CADPS: variants seen among roughly 807,000 people sequenced by gnomAD.
CADPS encodes the protein calcium dependent secretion activator.
CADPS carries 57 observed loss-of-function variants against 167.3 expected under a neutral mutation model. That is an observed-to-expected ratio of 0.34 (90% CI 0.28 to 0.42). CADPS has a LOEUF of 0.42. Among genes scored for constraint, CADPS ranks in the 20% least tolerant of loss-of-function variants. The pLI is 1.00. For synonymous variants in CADPS, 676 were observed against 635.3 expected (o/e 1.06, Z -0.96); for missense variants, 1,414 against 1,738.1 (o/e 0.81, Z 3.32).
intron 1 of CADPS, among the ~76,000 whole-genome samples, chr3:62,793,814 A>G (rs1351418187): frequency 2.0e-5 from 3 of 152,124 alleles, no homozygotes; most frequent in African/African-American, 7.2e-5. Flanking sequence ...TATTTGTTTG[A>G]TGATTTTGTT....
intron 1 of CADPS, among the ~76,000 whole-genome samples, chr3:62,809,661 A>T (rs2094299227): frequency 6.6e-6 from 1 of 152,144 alleles, no homozygotes; most frequent in South Asian, 2.1e-4. Flanking sequence ...CTTATTAATT[A>T]CTTGAACAGT....
At chr3:62,749,907 CTG>C (rs965537840) in intron 3 of CADPS, among the ~76,000 whole-genome samples, 11 of 152,144 alleles carry the variant, frequency 7.2e-5, no homozygotes, top group Admixed American at 7.2e-4. Context: ...TTCTGCATCA[CTG>C]TGGTGTGAGA....
At chr3:62,683,115 G>A (rs1221522413) in intron 3 of CADPS, among the ~76,000 whole-genome samples, 1 of 152,074 alleles carries the variant, frequency 6.6e-6, no homozygotes, top group Admixed American at 6.6e-5. Flanking sequence ...AAGGCAGGCA[G>A]GGCCAAGTTG....
chr3:62,808,611 T>A (rs952043968), intron 1 of CADPS, among the ~76,000 whole-genome samples: 11 of 152,132 alleles, frequency 7.2e-5, no homozygotes, highest in African/African-American at 2.4e-4. Context: ...CCAGAATCCA[T>A]GGTTTATTCC....
At chr3:62,723,251 T>G (rs2076137457) in intron 3 of CADPS, among the ~76,000 whole-genome samples, 1 of 152,202 alleles carries the variant, frequency 6.6e-6, no homozygotes, top group South Asian at 2.1e-4. Context: ...ATCGACTAGA[T>G]TTTTGTCAAG....
intron 26 of CADPS, among the ~76,000 whole-genome samples, chr3:62,449,318 T>TA (rs1474857375): frequency 6.6e-6 from 1 of 152,206 alleles, no homozygotes; most frequent in Non-Finnish European, 1.5e-5. Context: ...CATGAGAGTT[T>TA]ATCTCTAGGG....
At chr3:62,595,802 G>A (rs1054354662) in intron 6 of CADPS, among the ~76,000 whole-genome samples, 3 of 152,102 alleles carry the variant, frequency 2.0e-5, no homozygotes, top group African/African-American at 7.2e-5. Flanking sequence ...TCAGTGGGCT[G>A]GCAAAGGCAG....
chr3:62,554,695 C>T (rs1253841233), intron 10 of CADPS, among the ~76,000 whole-genome samples: 3 of 152,098 alleles, frequency 2.0e-5, no homozygotes, highest in Admixed American at 6.5e-5. Context: ...CTGACCTCTC[C>T]CTACTTCTGG....
chr3:62,609,657 G>T (rs1311114229), intron 6 of CADPS, among the ~76,000 whole-genome samples: 1 of 152,170 alleles, frequency 6.6e-6, no homozygotes, highest in Admixed American at 6.5e-5. Flanking sequence ...CTACCTCATG[G>T]TTGTTAGTAA....
chr3:62,584,153 C>T (rs1401631429), intron 8 of CADPS, among the ~76,000 whole-genome samples: 1 of 151,914 alleles, frequency 6.6e-6, no homozygotes, highest in African/African-American at 2.4e-5. Context: ...TACAGGTGCC[C>T]ACCACCATGC....
Position 62,602,808 on chromosome 3 carries a change from C to T in CADPS, c.1326-10060G>A, listed in dbSNP as rs2060165655. ...ATGTGTCCAAACCTCAGCTTGATCT[C>T]TTCTCCCTCACATCTGTTCCTCTAA... On this transcript the variant is annotated intron_variant, in intron 6 of 29. Coordinates refer to ENST00000383710, the MANE Select transcript of CADPS (RefSeq NM_003716.4). The surrounding 1 kb of genome is among the most constrained non-coding windows in gnomAD (Gnocchi z 4.4). Among the ~76,000 whole-genome samples the T allele has an allele frequency of 6.6e-6, 1 of 152,182 alleles. No individual in the cohort carries two copies. The highest frequency in any genetic ancestry group is 1.5e-5 in the Non-Finnish European group (1 of 68,042).
chr3:62,803,158 G>A (rs2093878079), intron 1 of CADPS, among the ~76,000 whole-genome samples: 2 of 152,118 alleles, frequency 1.3e-5, no homozygotes, highest in African/African-American at 2.4e-5. Context: ...TGCTACACCT[G>A]CTGGGTGATT....
intron 28 of CADPS, among the ~76,000 whole-genome samples, chr3:62,413,842 A>G (rs1478372235): frequency 6.6e-6 from 1 of 152,152 alleles, no homozygotes; most frequent in East Asian, 1.9e-4. Context: ...GAAAGAACAG[A>G]TATGTAGCAA....
intron 1 of CADPS, among the ~76,000 whole-genome samples, chr3:62,808,324 G>A (rs1454760135): frequency 2.0e-5 from 3 of 152,090 alleles, no homozygotes; most frequent in Non-Finnish European, 4.4e-5. Context: ...ATGAGACTTA[G>A]AGAGGTCAAG....
chr3:62,566,665 TGTG>T (rs1281685044), intron 9 of CADPS, among the ~76,000 whole-genome samples: 2 of 152,150 alleles, frequency 1.3e-5, no homozygotes, highest in Non-Finnish European at 2.9e-5. Context: ...TAGATATTGT[TGTG>T]GTGAATAGGA....
intron 1 of CADPS, among the ~76,000 whole-genome samples, chr3:62,862,432 G>GT (rs747985176): frequency 6.6e-6 from 1 of 151,932 alleles, no homozygotes; most frequent in Non-Finnish European, 1.5e-5. Flanking sequence ...GGCCAGGATG[G>GT]TCTCAATCTC....
rs141798520 is a variant in CADPS, at chr3:62,429,613, TTGTGTGTGTG to T, written c.3777+8481_3777+8490del. ...AATGTGCTTTGGCTACTCTGTGTGT[TTGTGTGTGTG>T]TGTGTGTGTGCACACGCGTACTTGT... On this transcript the variant is annotated intron_variant, in intron 28 of 29. Coordinates refer to ENST00000383710, the MANE Select transcript of CADPS (RefSeq NM_003716.4). Among the ~76,000 whole-genome samples, 7 of 149,738 alleles carry T rather than the reference TTGTGTGTGTG, an allele frequency of 4.7e-5. No homozygotes were observed. In the East Asian group the frequency reaches 1.4e-3, roughly 29 times the overall value.
intron 2 of CADPS, among the ~76,000 whole-genome samples, chr3:62,758,407 G>A (rs2084535222): frequency 6.6e-6 from 1 of 152,200 alleles, no homozygotes; most frequent in African/African-American, 2.4e-5. Flanking sequence ...AGACAAGACA[G>A]CCATGAGGAG....
At chr3:62,871,546 T>C (rs2153223888) in intron 1 of CADPS, among the ~76,000 whole-genome samples, 1 of 152,280 alleles carries the variant, frequency 6.6e-6, no homozygotes, top group Admixed American at 6.5e-5. Context: ...AGATAGGATT[T>C]GGAATCAGAA....
Sources: gnomAD v4.1 joint callset for allele counts (sites outside exome capture counted in the v4.1 genomes callset) on GRCh38, gnomAD v4.1.1 for gene constraint, Gnocchi (gnomAD v3.1) non-coding constraint, MANE v1.5 for transcripts, NCBI Gene and HGNC (gene_info 2026-07-23, HGNC 2026-07-21) for gene names.